CPQ: variants seen among roughly 807,000 people sequenced by gnomAD.
CPQ encodes Ser-Met dipeptidase.
CPQ carries 37 observed loss-of-function variants against 45.7 expected under a neutral mutation model. The ratio of observed to expected loss-of-function variants is 0.81; its 90% CI spans 0.62 to 1.07. CPQ has a LOEUF of 1.07. Among genes scored for constraint, CPQ ranks in the 50% least tolerant of loss-of-function variants. The pLI is 0.00. For synonymous variants in CPQ, 186 were observed against 205.8 expected, an observed-to-expected ratio of 0.90 and a Z score of 0.82; for missense variants, 537 against 572.9, an observed-to-expected ratio of 0.94 and a Z score of 0.64.
intron 2 of CPQ, among the ~76,000 whole-genome samples, chr8:96,792,283 A>G (rs1384525745): frequency 6.6e-6 from 1 of 152,186 alleles, no homozygotes; most frequent in Non-Finnish European, 1.5e-5. Flanking sequence ...TCAGATTTGA[A>G]TGGACCAAGT....
At chr8:96,847,615 G>C (rs1370330721) in intron 3 of CPQ, among the ~76,000 whole-genome samples, 1 of 152,110 alleles carries the variant, frequency 6.6e-6, no homozygotes, top group Non-Finnish European at 1.5e-5. Flanking sequence ...AACTAATTAG[G>C]AGTGTGTAAT....
chr8:97,044,446 G>A (rs756918812), intron 6 of CPQ, among the ~76,000 whole-genome samples: 4 of 152,110 alleles, frequency 2.6e-5, no homozygotes, highest in South Asian at 2.1e-4. Context: ...CCTGTAGCTC[G>A]GAGTAGTTTG....
chr8:97,116,781 T>C (rs1360604669), intron 7 of CPQ, among the ~76,000 whole-genome samples: 2 of 152,036 alleles, frequency 1.3e-5, no homozygotes, highest in Non-Finnish European at 2.9e-5. Context: ...ACAGAGGAGG[T>C]CTTCTCAGCC....
chr8:97,060,372 G>T (rs1452214720), intron 6 of CPQ, among the ~76,000 whole-genome samples: 1 of 152,092 alleles, frequency 6.6e-6, no homozygotes, highest in Non-Finnish European at 1.5e-5. Flanking sequence ...GCATGTGATT[G>T]TAGCACAAGA....
chr8:97,002,887 G>A (rs1809309822), intron 5 of CPQ, among the ~76,000 whole-genome samples: 1 of 152,138 alleles, frequency 6.6e-6, no homozygotes, highest in African/African-American at 2.4e-5. Flanking sequence ...TTATTGTGGT[G>A]CAGTCTAAGT....
rs1810753091 is a variant in CPQ at position 96,785,305 on chromosome 8, C to T, written c.408C>T (p.Gly136=). The T allele has an allele frequency of 3.1e-6, 5 of 1,610,004 alleles. No homozygotes were observed. The highest frequency in any genetic ancestry group is 3.4e-6 in the Non-Finnish European group (4 of 1,177,426). ...RIHKIAILGL[G]SSIGTPPEGI... is the part of the protein sequence containing the mutation. ...ATAAGATAGCCATCCTGGGTCTTGG[C>T]AGCAGCATTGGGACTCCTCCAGAAG... is the stretch of plus-strand genomic sequence containing the variant. Residue 136 remains glycine, a synonymous_variant, in exon 2 of 8, where the codon GGC becomes GGT. Transcript: ENST00000220763.
chr8:96,892,391 C>T (rs896107532), intron 4 of CPQ, among the ~76,000 whole-genome samples: 1 of 152,120 alleles, frequency 6.6e-6, no homozygotes, highest in African/African-American at 2.4e-5. Context: ...GGTTATTCTG[C>T]CTGGGTGGGA....
At chr8:97,106,603 A>G (rs1373352400) in intron 7 of CPQ, among the ~76,000 whole-genome samples, 1 of 152,244 alleles carries the variant, frequency 6.6e-6, no homozygotes, top group Non-Finnish European at 1.5e-5. Context: ...CTTCAGTTGC[A>G]CTAGCCACAT....
At chr8:96,724,081 T>C (rs1460899571) in intron 1 of CPQ, among the ~76,000 whole-genome samples, 2 of 152,068 alleles carry the variant, frequency 1.3e-5, no homozygotes, top group Non-Finnish European at 2.9e-5. Context: ...CTGGACCCTA[T>C]GTTTCTATTT....
intron 7 of CPQ, among the ~76,000 whole-genome samples, chr8:97,122,935 AT>A: frequency 1.7e-5 from 1 of 57,962 alleles, no homozygotes; most frequent in Admixed American, 2.6e-4. Flanking sequence ...AATAAATAAA[AT>A]AAAATAAAAT....
intron 3 of CPQ, among the ~76,000 whole-genome samples, chr8:96,840,778 G>A (rs937196868): frequency 6.6e-6 from 1 of 152,170 alleles, no homozygotes; most frequent in Non-Finnish European, 1.5e-5. Flanking sequence ...GTATTCAAAG[G>A]GGGAAGGAGT....
intron 1 of CPQ, among the ~76,000 whole-genome samples, chr8:96,749,509 C>T (rs1810231942): frequency 1.3e-5 from 2 of 152,148 alleles, no homozygotes; most frequent in Non-Finnish European, 2.9e-5. Context: ...TCATCGTGCT[C>T]TGAAATCATT....
rs1371055953 is a variant in CPQ at position 96,853,258 on chromosome 8, A to G, written c.641+18078A>G. 3.9e-5 allele frequency among the ~76,000 whole-genome samples: 6 copies of G among 152,206 alleles called. No individual in the cohort carries two copies. The South Asian group carries it at 1.0e-3, about 26-fold the overall frequency. The stretch of plus-strand genomic sequence containing the variant: ...TAGAAGGTGTGATTTTTGGGGGCGC[A>G]TATGAAACATTCTAAAATTCAAGGC... On this transcript the variant is annotated intron_variant, in intron 3 of 7. Transcript: ENST00000220763.
rs117780400 is a variant in CPQ at position 96,804,601 on chromosome 8, A to G, written c.433+19271A>G. ...TTAATTTTAAAAAATCTAATAAACC[A>G]AACAACAGTTCATACTCTTTTGGTC... On this transcript the variant is annotated intron_variant, in intron 2 of 7. Transcript: ENST00000220763. Among the ~76,000 whole-genome samples, 31 of 152,198 alleles carry G rather than the reference A, an allele frequency of 2.0e-4. 1 individual carries two copies. In the East Asian group the frequency reaches 5.8e-3, roughly 28 times the overall value.
chr8:96,975,193 A>G (rs1813753720), intron 5 of CPQ, among the ~76,000 whole-genome samples: 2 of 152,110 alleles, frequency 1.3e-5, no homozygotes, highest in South Asian at 4.1e-4. Context: ...GAAATACAAA[A>G]GATTATTCAA....
At chr8:96,908,958 G>A (rs1443339000) in intron 4 of CPQ, among the ~76,000 whole-genome samples, 6 of 152,096 alleles carry the variant, frequency 3.9e-5, no homozygotes, top group Non-Finnish European at 7.3e-5. Context: ...TGTTTCTCTA[G>A]TGTCTCACCA....
intron 4 of CPQ, among the ~76,000 whole-genome samples, chr8:96,913,462 T>C (rs563904588): frequency 7.9e-5 from 12 of 152,288 alleles, no homozygotes; most frequent in Admixed American, 1.3e-4. Context: ...GCAGGGAGCT[T>C]TGCAAAGAGA....
chr8:96,816,774 A>T (rs989657186), intron 2 of CPQ, among the ~76,000 whole-genome samples: 3 of 152,190 alleles, frequency 2.0e-5, no homozygotes, highest in Admixed American at 6.5e-5. Flanking sequence ...CTGAGTGAAC[A>T]GGTGCCATGC....
intron 1 of CPQ, among the ~76,000 whole-genome samples, chr8:96,697,338 A>C (rs1180948608): frequency 6.6e-6 from 1 of 152,152 alleles, no homozygotes; most frequent in Non-Finnish European, 1.5e-5. Flanking sequence ...CATGATAAAA[A>C]CTCTGAAAAA....
Sources: allele counts gnomAD v4.1 joint callset (sites outside exome capture counted in the v4.1 genomes callset), GRCh38; gene constraint gnomAD v4.1.1; transcripts MANE v1.5; gene names NCBI Gene and HGNC (gene_info 2026-07-23, HGNC 2026-07-21).